GPHN: variants seen among roughly 807,000 people sequenced by gnomAD.
The protein encoded by GPHN is gephyrin.
GPHN carries 17 observed loss-of-function variants against 95.5 expected under a neutral mutation model. That is an observed-to-expected ratio of 0.18 (90% CI 0.12 to 0.27). The LOEUF (loss-of-function observed/expected upper bound fraction) is 0.27, where lower values mean the gene tolerates loss of function less well. GPHN is among the 10% of genes least tolerant of loss of function. GPHN has a pLI of 1.00. For synonymous variants in GPHN, 320 were observed against 322.5 expected (o/e 0.99, Z 0.08); for missense variants, 660 against 978.1 (o/e 0.67, Z 4.34).
chr14:67,150,470 A>AAACAAAACAAAACAAAACAAAACAAAAAT (rs2081212397), intron 18 of GPHN, among the ~76,000 whole-genome samples: 1 of 148,540 alleles, frequency 6.7e-6, no homozygotes. Context: ...AAAAAAAAAA[A>AAACAAAACAAAACAAAACAAAACAAAAAT]AAACATTGTA....
intron 1 of GPHN, among the ~76,000 whole-genome samples, chr14:66,565,485 AGACAGGGTCTC>A (rs1038513997): frequency 6.6e-6 from 1 of 152,066 alleles, no homozygotes; most frequent in African/African-American, 2.4e-5. Flanking sequence ...TTTTTGGAAG[AGACAGGGTCTC>A]GCTTTGTTGC....
At chr14:67,727,843 TG>T in the GPHN span, 3 of 154,684 alleles carry the variant, frequency 1.9e-5, no homozygotes, top group Admixed American at 1.9e-4. Context: ...AACCGGAATG[TG>T]GGTGCTCAGC....
At chr14:67,332,810 A>T in the GPHN span, 2 of 1,613,412 alleles carry the variant, frequency 1.2e-6, no homozygotes, top group Non-Finnish European at 1.7e-6. Context: ...CATTGAGAAG[A>T]CAAGAGAGAT....
At chr14:67,026,423 G>A (rs2073928846) in intron 10 of GPHN, among the ~76,000 whole-genome samples, 1 of 151,938 alleles carries the variant, frequency 6.6e-6, no homozygotes, top group South Asian at 2.1e-4. Flanking sequence ...TTTATTGAAC[G>A]TTACTGTGTA....
intron 19 of GPHN, among the ~76,000 whole-genome samples, chr14:67,162,501 T>G (rs768736154): frequency 6.6e-6 from 1 of 152,204 alleles, no homozygotes; most frequent in Non-Finnish European, 1.5e-5. Flanking sequence ...GCAATTAAGC[T>G]CTTTCATTTT....
chr14:67,335,872 A>C, the GPHN span: 1 of 152,258 alleles, frequency 6.6e-6, no homozygotes, highest in Non-Finnish European at 1.5e-5. Context: ...CCACACATGT[A>C]AAGACCACCC....
intron 5 of GPHN, among the ~76,000 whole-genome samples, chr14:66,913,883 T>G (rs1399290064): frequency 6.6e-6 from 1 of 152,182 alleles, no homozygotes; most frequent in Non-Finnish European, 1.5e-5. Context: ...TAAAAATACT[T>G]TATTAATCCT....
At chr14:67,119,708 T>G (rs2078899116) in intron 16 of GPHN, among the ~76,000 whole-genome samples, 1 of 152,204 alleles carries the variant, frequency 6.6e-6, no homozygotes. Context: ...GAGACTCGCT[T>G]GAACCCACGA....
the GPHN span, among the ~76,000 whole-genome samples, chr14:67,222,349 G>T: frequency 6.6e-6 from 1 of 152,158 alleles, no homozygotes; most frequent in African/African-American, 2.4e-5. Flanking sequence ...GATGTGCAGT[G>T]GTGTGATCTT....
the GPHN span, among the ~76,000 whole-genome samples, chr14:67,477,091 G>A: frequency 4.0e-5 from 6 of 151,898 alleles, no homozygotes; most frequent in African/African-American, 1.2e-4. Flanking sequence ...GCTTGAACCT[G>A]GGAGGTGGAG....
chr14:67,158,135 T>C (rs906857848), intron 18 of GPHN, among the ~76,000 whole-genome samples: 29 of 151,574 alleles, frequency 1.9e-4, no homozygotes, highest in African/African-American at 6.8e-4. Context: ...GGTGAAACAG[T>C]GTCTCTACTA....
the GPHN span, chr14:67,349,058 C>T: frequency 2.5e-6 from 4 of 1,614,108 alleles, no homozygotes; most frequent in Admixed American, 5.0e-5. Context: ...TCTTTCTTCG[C>T]TCGAATCTTC....
At chr14:66,557,717 G>A (rs1166634564) in intron 1 of GPHN, among the ~76,000 whole-genome samples, 1 of 152,108 alleles carries the variant, frequency 6.6e-6, no homozygotes, top group African/African-American at 2.4e-5. Context: ...TTATCTGTAT[G>A]TTCCCCTCTG....
the GPHN span, chr14:67,645,730 A>C: frequency 6.2e-7 from 1 of 1,613,946 alleles, no homozygotes; most frequent in Non-Finnish European, 8.5e-7. Flanking sequence ...ACATCAACAC[A>C]CCCCTTACCA....
At chr14:67,607,296 G>T in the GPHN span, among the ~76,000 whole-genome samples, 2 of 152,320 alleles carry the variant, frequency 1.3e-5, no homozygotes, top group Middle Eastern at 3.4e-3. Context: ...CTACACCTGG[G>T]TCCATCCCAG....
chr14:67,195,878 T>C, the GPHN span, among the ~76,000 whole-genome samples: 1 of 151,862 alleles, frequency 6.6e-6, no homozygotes, highest in Non-Finnish European at 1.5e-5. Context: ...CAAGTGGGCC[T>C]ATATTGAGAG....
chr14:66,634,750 C>CT (rs143607130), intron 1 of GPHN, among the ~76,000 whole-genome samples: 1 of 152,078 alleles, frequency 6.6e-6, no homozygotes, highest in African/African-American at 2.4e-5. Flanking sequence ...TATAAGATTG[C>CT]TTTTTTTAAA....
the GPHN span, among the ~76,000 whole-genome samples, chr14:67,233,111 T>TTTTTATTTTATTTTA: frequency 0.028 from 3,993 of 144,456 alleles, 163 homozygotes; most frequent in African/African-American, 0.082. Flanking sequence ...CACCAACACA[T>TTTTTATTTTATTTTA]TTTTATTTTA....
chr14:67,281,389 A>AT, the GPHN span, among the ~76,000 whole-genome samples: 11 of 152,228 alleles, frequency 7.2e-5, no homozygotes, highest in East Asian at 1.7e-3. Context: ...AAAAGATTAC[A>AT]TTTTTTTAAT....
Sources: gnomAD v4.1 joint callset for allele counts (sites outside exome capture counted in the v4.1 genomes callset) on GRCh38, gnomAD v4.1.1 for gene constraint, MANE v1.5 for transcripts, NCBI Gene and HGNC (gene_info 2026-07-23, HGNC 2026-07-21) for gene names.